The following CBR4 variants were observed in gnomAD, a reference collection of about 807,000 sequenced individuals.
The protein encoded by CBR4 is 3-oxoacyl-[acyl-carrier-protein] reductase.
A neutral mutation model predicts 21.0 loss-of-function variants in CBR4; 22 were observed. That is an observed-to-expected ratio of 1.05 (90% CI 0.75 to 1.50). The LOEUF is 1.50. Ranked by LOEUF, CBR4 falls within the 40% of genes most tolerant of loss-of-function variation. The pLI is 0.00. For missense variants in CBR4, 302 were observed against 286.3 expected (o/e 1.05, Z -0.40); for synonymous variants, 100 against 104.4 (o/e 0.96, Z 0.26).
intron 2 of CBR4, chr4:168,925,539 AG>A (rs1288845811): frequency 6.2e-6 from 3 of 484,644 alleles, no homozygotes; most frequent in African/African-American, 3.9e-5. Flanking sequence ...TTTGTGGCTT[AG>A]TGCTTTTCTC....
rs972638896 is a variant in CBR4 at position 168,951,968 on chromosome 4, A to G, written n.169+50103T>C. On this transcript the variant is annotated intron_variant and non_coding_transcript_variant, in intron 2 of 3. Coordinates refer to the CBR4 transcript ENST00000509108. ...GTATTTGGATGTCTAAGTCTCTAGC[A>G]AGGCTGGGGAAGTTTTCCTCAATTA... Among the ~76,000 whole-genome samples the G allele has an allele frequency of 2.0e-5, 3 of 152,196 alleles. No homozygotes were observed. In the South Asian group the frequency reaches 6.2e-4, roughly 32 times the overall value.
chr4:169,009,202 G>T (rs1386533415), intron 1 of CBR4: 2 of 382,058 alleles, frequency 5.2e-6, no homozygotes, highest in Non-Finnish European at 1.0e-5. Context: ...TAGCATCTTC[G>T]GATCTAACGT....
intron 2 of CBR4, among the ~76,000 whole-genome samples, chr4:168,899,769 T>C (rs1007460766): frequency 7.2e-5 from 11 of 151,818 alleles, no homozygotes; most frequent in Non-Finnish European, 1.5e-5. Context: ...ATACAAAAAT[T>C]AGCTGGGCAT....
intron 2 of CBR4, among the ~76,000 whole-genome samples, chr4:168,909,795 C>T (rs896443982): frequency 1.3e-5 from 2 of 152,130 alleles, no homozygotes; most frequent in East Asian, 3.8e-4. Flanking sequence ...TATGTTCAGA[C>T]TTAAAAACCT....
At chr4:168,978,572 G>A (rs531456798) in intron 2 of CBR4, among the ~76,000 whole-genome samples, 5 of 152,190 alleles carry the variant, frequency 3.3e-5, no homozygotes, top group Non-Finnish European at 7.3e-5. Context: ...CCATGTTTCT[G>A]CCATGAACCT....
intron 2 of CBR4, among the ~76,000 whole-genome samples, chr4:168,931,362 G>A (rs987503505): frequency 3.9e-5 from 6 of 152,056 alleles, no homozygotes; most frequent in African/African-American, 1.2e-4. Flanking sequence ...AGTCCAGTGG[G>A]CCCAATCCCA....
At chr4:168,958,725 T>C (rs1164615571) in intron 2 of CBR4, among the ~76,000 whole-genome samples, 2 of 152,222 alleles carry the variant, frequency 1.3e-5, no homozygotes, top group Non-Finnish European at 2.9e-5. Flanking sequence ...GTCAGCCTTT[T>C]TCCTTTCAGC....
At chr4:168,896,861 C>T (rs944896279) in intron 2 of CBR4, among the ~76,000 whole-genome samples, 20 of 151,878 alleles carry the variant, frequency 1.3e-4, no homozygotes, top group African/African-American at 2.4e-4. Flanking sequence ...GATGGAGTTT[C>T]GCTCTTGTTG....
chr4:168,930,142 T>C (rs1268412550), intron 2 of CBR4, among the ~76,000 whole-genome samples: 2 of 152,172 alleles, frequency 1.3e-5, no homozygotes, highest in Admixed American at 6.5e-5. Context: ...GAGTTACCAA[T>C]AGATGTAATT....
intron 2 of CBR4, among the ~76,000 whole-genome samples, chr4:168,969,627 A>G (rs896185199): frequency 5.3e-5 from 8 of 152,296 alleles, no homozygotes; most frequent in Admixed American, 2.0e-4. Context: ...CATGTTGCCC[A>G]TGGAAACATG....
At position 169,010,068 on chromosome 4, in the gene CBR4, A is replaced by G. The variant is rs1421627357; in HGVS notation, c.22T>C (p.Phe8Leu). The G allele has an allele frequency of 6.2e-7, 1 of 1,613,668 alleles. No homozygotes were observed. Among genetic ancestry groups the G allele is most frequent in the African/African-American group, 1.3e-5 (1 of 74,906 alleles). Residue 8 changes from phenylalanine (F) to leucine (L), a missense_variant, in exon 1 of 5, where the codon TTT (phenylalanine) becomes CTT (leucine). By Grantham distance (22) the Phe-to-Leu change is conservative. Coordinates refer to ENST00000306193, the MANE Select transcript of CBR4 (RefSeq NM_032783.5). Reference sequence around the variant, plus strand: ...CTGCCAATGCCTCGGGAGCCTCCAAAAACAGCACACACTTTGTCCATCTCG... The same window carrying G: ...CTGCCAATGCCTCGGGAGCCTCCAAGAACAGCACACACTTTGTCCATCTCG... MDKVCAV[F>L]GGSRGIGRAV...
At chr4:168,925,567 C>T (rs577388749) in intron 2 of CBR4, among the ~76,000 whole-genome samples, 1 of 152,214 alleles carries the variant, frequency 6.6e-6, no homozygotes, top group African/African-American at 2.4e-5. Context: ...ATATCTTAAG[C>T]AGCCAGCAGT....
At chr4:168,907,936 T>C (rs1467394541) in intron 2 of CBR4, among the ~76,000 whole-genome samples, 3 of 152,144 alleles carry the variant, frequency 2.0e-5, no homozygotes, top group Non-Finnish European at 2.9e-5. Context: ...CAAAGATCAG[T>C]TGACACTCCC....
At chr4:168,947,261 C>T (rs1763418772) in intron 2 of CBR4, among the ~76,000 whole-genome samples, 1 of 152,124 alleles carries the variant, frequency 6.6e-6, no homozygotes, top group Non-Finnish European at 1.5e-5. Flanking sequence ...CTTCCCATCA[C>T]TTTCTTTTTC....
intron 2 of CBR4, among the ~76,000 whole-genome samples, chr4:168,917,745 ATTAT>A (rs1399752633): frequency 7.2e-5 from 11 of 152,274 alleles, no homozygotes; most frequent in East Asian, 1.9e-4. Flanking sequence ...TCTTAGGATC[ATTAT>A]TTATTTTTTA....
intron 2 of CBR4, among the ~76,000 whole-genome samples, chr4:168,981,246 A>G (rs1000890231): frequency 1.3e-5 from 2 of 152,072 alleles, no homozygotes; most frequent in African/African-American, 4.8e-5. Flanking sequence ...CTAAAAATGC[A>G]AAAATTACCA....
chr4:168,913,082 A>T (rs1034131470), intron 2 of CBR4, among the ~76,000 whole-genome samples: 4 of 149,492 alleles, frequency 2.7e-5, no homozygotes, highest in Non-Finnish European at 4.4e-5. Context: ...CTTACATAAC[A>T]CTCATTTTAT....
downstream of CBR4, among the ~76,000 whole-genome samples, chr4:168,982,977 T>C (rs1053673905): frequency 6.6e-6 from 1 of 151,936 alleles, no homozygotes; most frequent in African/African-American, 2.4e-5. Context: ...GTTAGAAAGA[T>C]CTCAAATTAA....
At chr4:168,998,242 T>A (rs912833061) in intron 4 of CBR4, among the ~76,000 whole-genome samples, 1 of 152,208 alleles carries the variant, frequency 6.6e-6, no homozygotes, top group Admixed American at 6.5e-5. Flanking sequence ...ATTACACTCA[T>A]ATACTTGCAA....
Sources: allele counts gnomAD v4.1 joint callset (sites outside exome capture counted in the v4.1 genomes callset), GRCh38; gene constraint gnomAD v4.1.1; transcripts MANE v1.5; gene names NCBI Gene and HGNC (gene_info 2026-07-23, HGNC 2026-07-21).